The following NRXN3 variants were observed in gnomAD, a reference collection of about 807,000 sequenced individuals.
The protein encoded by NRXN3 is neurexin 3.
Under a neutral mutation model 137.6 loss-of-function variants are expected in NRXN3, and 32 were observed. The observed-to-expected ratio is 0.23, with a 90% CI of 0.18 to 0.31. NRXN3 has a LOEUF of 0.31. Ranked by LOEUF, NRXN3 falls within the 10% of genes least tolerant of loss-of-function variation. The pLI is 1.00. For missense variants in NRXN3, 1,574 were observed against 2,062.5 expected (o/e 0.76, Z 4.59); for synonymous variants, 798 against 784.5 (o/e 1.02, Z -0.29).
chr14:79,749,508 C>G (rs971407709), intron 19 of NRXN3, among the ~76,000 whole-genome samples: 4 of 151,376 alleles, frequency 2.6e-5, no homozygotes, highest in African/African-American at 9.7e-5. Context: ...TTCAAGTGAT[C>G]CTCCAGCCTT....
intron 2 of NRXN3, among the ~76,000 whole-genome samples, chr14:78,261,936 A>G (rs1242893088): frequency 6.6e-6 from 1 of 152,258 alleles, no homozygotes; most frequent in East Asian, 1.9e-4. Context: ...CCTGTCTGCA[A>G]TGAACTTACA....
chr14:78,522,705 T>C (rs2096302605), intron 4 of NRXN3, among the ~76,000 whole-genome samples: 1 of 152,228 alleles, frequency 6.6e-6, no homozygotes, highest in East Asian at 1.9e-4. Flanking sequence ...CCTATTCTTC[T>C]GTCCACAGCT....
At chr14:79,733,985 G>A (rs1212088259) in intron 19 of NRXN3, among the ~76,000 whole-genome samples, 2 of 152,106 alleles carry the variant, frequency 1.3e-5, no homozygotes, top group Non-Finnish European at 2.9e-5. Flanking sequence ...CACAGTAAGA[G>A]TACCACAGCA....
chr14:78,375,592 C>G (rs1333378105), intron 4 of NRXN3, among the ~76,000 whole-genome samples: 2 of 152,112 alleles, frequency 1.3e-5, no homozygotes, highest in East Asian at 3.9e-4. Flanking sequence ...CCTCCATGCT[C>G]TAAGGGATAG....
intron 15 of NRXN3, among the ~76,000 whole-genome samples, chr14:79,187,006 A>T (rs1221893825): frequency 6.6e-6 from 1 of 152,192 alleles, no homozygotes; most frequent in African/African-American, 2.4e-5. Context: ...AGGGAAATAA[A>T]CATCTGGACA....
At chr14:78,382,975 C>A (rs567249907) in intron 4 of NRXN3, among the ~76,000 whole-genome samples, 4 of 152,118 alleles carry the variant, frequency 2.6e-5, no homozygotes, top group Admixed American at 2.6e-4. Context: ...TGGGTGTTCT[C>A]ATGCCATTTA....
intron 4 of NRXN3, among the ~76,000 whole-genome samples, chr14:78,578,334 C>T: frequency 6.6e-6 from 1 of 152,200 alleles, no homozygotes; most frequent in East Asian, 1.9e-4. Context: ...GATCAAATTT[C>T]TTGCTATGAG....
intron 15 of NRXN3, among the ~76,000 whole-genome samples, chr14:79,416,643 T>A (rs2095501291): frequency 6.6e-6 from 1 of 152,160 alleles, no homozygotes; most frequent in African/African-American, 2.4e-5. Context: ...TTATTATTTG[T>A]CTCTGTTTGA....
At chr14:79,191,767 T>C (rs906203893) in intron 15 of NRXN3, among the ~76,000 whole-genome samples, 4 of 152,148 alleles carry the variant, frequency 2.6e-5, no homozygotes, top group African/African-American at 9.7e-5. Flanking sequence ...GTGATTAAAA[T>C]ATGGATTTAA....
chr14:78,400,825 C>T (rs746543310), intron 4 of NRXN3, among the ~76,000 whole-genome samples: 5 of 152,164 alleles, frequency 3.3e-5, no homozygotes, highest in Non-Finnish European at 5.9e-5. Context: ...GATTAATCCT[C>T]ACCATTTCCC....
At chr14:78,956,695 T>A (rs2099397408) in intron 10 of NRXN3, among the ~76,000 whole-genome samples, 1 of 152,206 alleles carries the variant, frequency 6.6e-6, no homozygotes. Flanking sequence ...ATTGTAATGC[T>A]TACTATTGTG....
chr14:78,928,283 C>G (rs982795572), intron 10 of NRXN3, among the ~76,000 whole-genome samples: 1 of 151,966 alleles, frequency 6.6e-6, no homozygotes, highest in Admixed American at 6.6e-5. Context: ...CCTGCAAATT[C>G]TGACTTCATT....
In NRXN3 at chr14:79,102,778, A is replaced by T. The variant is rs535237787; in HGVS notation, c.3262+114637A>T. On this transcript the variant is annotated intron_variant, in intron 15 of 20. Transcript: ENST00000335750. ...GCCAATTAGGCAAGGACATCATAGG[A>T]CAAGGGAATATTATGATAAATTACA... is the stretch of plus-strand genomic sequence containing the variant. Among the ~76,000 whole-genome samples the T allele has an allele frequency of 4.6e-5, 7 of 152,324 alleles. No individual in the cohort carries two copies. In the South Asian group the frequency reaches 1.4e-3, roughly 32 times the overall value.
intron 19 of NRXN3, among the ~76,000 whole-genome samples, chr14:79,706,828 C>T (rs1422243445): frequency 1.3e-5 from 2 of 152,168 alleles, no homozygotes; most frequent in Admixed American, 1.3e-4. Context: ...CACCCCTGAA[C>T]ATCTGCTTCT....
At chr14:79,184,417 A>C (rs2063280164) in intron 15 of NRXN3, among the ~76,000 whole-genome samples, 1 of 152,236 alleles carries the variant, frequency 6.6e-6, no homozygotes, top group South Asian at 2.1e-4. Flanking sequence ...CATCCTTCTG[A>C]AGACAGTAGC....
chr14:79,385,679 A>G (rs2153461133), intron 15 of NRXN3, among the ~76,000 whole-genome samples: 1 of 152,288 alleles, frequency 6.6e-6, no homozygotes, highest in Non-Finnish European at 1.5e-5. Flanking sequence ...GCTGTTTAAA[A>G]GTGTGTGGCC....
intron 20 of NRXN3, among the ~76,000 whole-genome samples, chr14:79,811,021 T>G (rs1212156364): frequency 6.6e-6 from 1 of 152,256 alleles, no homozygotes; most frequent in Non-Finnish European, 1.5e-5. Context: ...TAAGTCAATT[T>G]TATTTAACTA....
rs148351748 is a variant in NRXN3 at position 79,054,488 on chromosome 14, G to A, written c.3262+66347G>A. On this transcript the variant is annotated intron_variant, in intron 15 of 20. Coordinates refer to ENST00000335750, the MANE Select transcript of NRXN3 (RefSeq NM_001330195.2). ...CCTTAGAAAAGGATTTTTGACATAAGCAAAAACTTTTCACAAAAATTTGTG... is the reference window on the plus strand; with the variant it reads ...CCTTAGAAAAGGATTTTTGACATAAACAAAAACTTTTCACAAAAATTTGTG... 3.8e-4 allele frequency among the ~76,000 whole-genome samples: 58 copies of A among 152,184 alleles called. No homozygotes were observed. The East Asian group carries it at 0.011, about 29-fold the overall frequency.
At chr14:79,431,463 A>G (rs1221863930) in intron 15 of NRXN3, among the ~76,000 whole-genome samples, 1 of 152,206 alleles carries the variant, frequency 6.6e-6, no homozygotes, top group African/African-American at 2.4e-5. Context: ...TACACTGTCT[A>G]CATTTAACCA....
Sources: allele counts gnomAD v4.1 joint callset (sites outside exome capture counted in the v4.1 genomes callset), GRCh38; gene constraint gnomAD v4.1.1; transcripts MANE v1.5; gene names NCBI Gene and HGNC (gene_info 2026-07-23, HGNC 2026-07-21).